The following TRAP1 variants were observed in gnomAD, a reference collection of about 807,000 sequenced individuals.
TRAP1 encodes TNF receptor associated protein 1, also known as heat shock protein 75 kDa, mitochondrial.
TRAP1 carries 102 observed loss-of-function variants against 89.1 expected under a neutral mutation model. That is an observed-to-expected ratio of 1.15 (90% CI 0.98 to 1.35). TRAP1 has a LOEUF of 1.35. TRAP1 is among the 40% of genes most tolerant of loss of function. TRAP1 has a pLI of 0.00. For synonymous variants in TRAP1, 508 were observed against 388.0 expected (o/e 1.31, Z -3.64); for missense variants, 1,256 against 945.3 (o/e 1.33, Z -4.31).
At chr16:3,658,334 G>T in intron 17 of TRAP1, 104 bp from the exon 18 acceptor site, 1 of 918,512 alleles carries the variant, frequency 1.1e-6, no homozygotes, top group Non-Finnish European at 1.7e-6. Context: ...GAGTGCAGAG[G>T]CACGATCTCG....
intron 2 of TRAP1, among the ~76,000 whole-genome samples, chr16:3,689,463 C>G (rs2051183518): frequency 6.6e-6 from 1 of 152,144 alleles, no homozygotes; most frequent in Non-Finnish European, 1.5e-5. Context: ...CCAGGATAGC[C>G]TCGATCTCCT....
At chr16:3,715,714 A>C (rs1434322374) in intron 1 of TRAP1, among the ~76,000 whole-genome samples, 1 of 152,146 alleles carries the variant, frequency 6.6e-6, no homozygotes, top group Non-Finnish European at 1.5e-5. Flanking sequence ...TTGGAGGGCA[A>C]GGCAGGCAGA....
chr16:3,681,202 C>A (rs933221353), intron 4 of TRAP1, among the ~76,000 whole-genome samples: 3 of 152,288 alleles, frequency 2.0e-5, no homozygotes, highest in Middle Eastern at 3.4e-3. Flanking sequence ...GGGACAAAGG[C>A]CCTCAGAAAC....
intron 4 of TRAP1, among the ~76,000 whole-genome samples, chr16:3,683,853 C>T (rs374783580): frequency 6.6e-6 from 1 of 151,772 alleles, no homozygotes; most frequent in African/African-American, 2.4e-5. Flanking sequence ...CCAGGCGACC[C>T]GCACAATGTG....
At chr16:3,709,864 G>T (rs1384019011) in intron 1 of TRAP1, among the ~76,000 whole-genome samples, 1 of 152,142 alleles carries the variant, frequency 6.6e-6, no homozygotes, top group African/African-American at 2.4e-5. Context: ...TGGTCAGGCT[G>T]GTCTCAAACT....
At chr16:3,679,082 A>G (rs912776280) in intron 5 of TRAP1, among the ~76,000 whole-genome samples, 1 of 152,082 alleles carries the variant, frequency 6.6e-6, no homozygotes, top group African/African-American at 2.4e-5. Context: ...CAGGAGGCTG[A>G]GGCTGGAGGA....
At position 3,664,273 on chromosome 16, in the gene TRAP1, CCT is replaced by C; in HGVS notation, c.1568_1569del (p.Glu523GlyfsTer6). ...YYEAMKKKDTEVLFCFEQFDE... is the reference protein window; with the variant it reads ...YYEAMKKKDTXVLFCFEQFDE... ...GCCCGCCCCACCCACCGCTCACCCA[CCT>C]CTGTGTCTTTCTTCTTCATGGCCTC... On this transcript the variant is annotated frameshift_variant and splice_region_variant, in exon 13 of 18. Transcript: ENST00000246957. LOFTEE classifies it high-confidence loss of function. The C allele has an allele frequency of 6.3e-7, 1 of 1,587,698 alleles. No homozygotes were observed. Among genetic ancestry groups the C allele is most frequent in the Non-Finnish European group, 8.6e-7 (1 of 1,168,436 alleles).
intron 12 of TRAP1, chr16:3,665,039 G>C (rs2050797510): frequency 6.5e-6 from 1 of 154,074 alleles, no homozygotes. Context: ...CAAGGAGCTG[G>C]ACACCCAACC....
chr16:3,686,731 G>A (rs2051143560), intron 3 of TRAP1, among the ~76,000 whole-genome samples: 1 of 152,186 alleles, frequency 6.6e-6, no homozygotes, highest in African/African-American at 2.4e-5. Context: ...GGCACTTTGG[G>A]AGGCTGAAGC....
At chr16:3,672,673 A>T in intron 10 of TRAP1, 27 bp downstream of exon 10, 1 of 1,596,006 alleles carries the variant, frequency 6.3e-7, no homozygotes, top group Non-Finnish European at 8.5e-7. Flanking sequence ...CCACGGGGGC[A>T]CTGCTCACGG....
At position 3,675,370 on chromosome 16, in the gene TRAP1, A is replaced by G. The variant is rs1321204952; in HGVS notation, c.842T>C (p.Val281Ala). Residue 281 changes from valine to alanine, a missense_variant, in exon 8 of 18, where the codon GTC (valine) becomes GCC (alanine). By Grantham distance (64) the Val-to-Ala change is moderately conservative. Coordinates refer to ENST00000246957, the MANE Select transcript of TRAP1 (RefSeq NM_016292.3). ...RDVVTKYSNF[V>A]SFPLYLNGRR... Reference sequence around the variant, plus strand: ...TCCATTCAAGTACAAGGGGAAGCTGACGAAGTTGCTGTACTTCGTTACCAC... The same window carrying G: ...TCCATTCAAGTACAAGGGGAAGCTGGCGAAGTTGCTGTACTTCGTTACCAC... 6.2e-7 allele frequency: 1 copy of G among 1,614,118 alleles called. No individual in the cohort carries two copies. Among genetic ancestry groups the G allele is most frequent in the South Asian group, 1.1e-5 (1 of 91,078 alleles).
intron 7 of TRAP1, 32 bp from the exon 8 acceptor site, chr16:3,675,429 T>A (rs1329483004): frequency 1.2e-6 from 2 of 1,609,630 alleles, no homozygotes; most frequent in Admixed American, 3.3e-5. Context: ...CCACACTGCA[T>A]CTACAATGCT....
rs114539840 is a variant in TRAP1 at position 3,696,724 on chromosome 16, A to G, written c.89-5739T>C. Among the ~76,000 whole-genome samples the G allele has an allele frequency of 3.9e-3, 573 of 145,710 alleles. 4 individuals are homozygous for G. The highest frequency in any genetic ancestry group is 0.014 in the African/African-American group (548 of 39,242). The stretch of plus-strand genomic sequence containing the variant: ...GGCCGTGTATTACCACTCCTAGCTA[A>G]TTTTTTTTTTCTTTTTTTTTTTGAC... On this transcript the variant is annotated intron_variant, in intron 1 of 17. Transcript: ENST00000246957.
intron 4 of TRAP1, among the ~76,000 whole-genome samples, chr16:3,682,386 A>C (rs1315744219): frequency 7.7e-6 from 1 of 129,690 alleles, no homozygotes; most frequent in Non-Finnish European, 1.7e-5. Flanking sequence ...CCCTGCCTCT[A>C]CAAAAAAAAA....
chr16:3,679,797 A>C lies in TRAP1; in HGVS notation c.472-7T>G, dbSNP rs2051051097. On this transcript the variant is annotated splice_polypyrimidine_tract_variant and splice_region_variant and intron_variant, in intron 4 of 17. Transcript: ENST00000246957. Reference sequence around the variant, plus strand: ...TCATCCCGATACCAGTATCCTGAGGAGAGAGACGCACTAAGTGCCAAGCCC... The same window carrying C: ...TCATCCCGATACCAGTATCCTGAGGCGAGAGACGCACTAAGTGCCAAGCCC... The C allele has an allele frequency of 1.2e-6, 2 of 1,613,926 alleles. No individual in the cohort carries two copies. Among genetic ancestry groups the C allele is most frequent in the South Asian group, 2.2e-5 (2 of 91,088 alleles).
intron 1 of TRAP1, among the ~76,000 whole-genome samples, chr16:3,704,800 G>C (rs774904887): frequency 8.5e-5 from 13 of 152,048 alleles, no homozygotes; most frequent in Non-Finnish European, 1.3e-4. Flanking sequence ...GAACACTTGA[G>C]GCCAGGAGTT....
At chr16:3,707,359 G>C (rs1171781340) in intron 1 of TRAP1, among the ~76,000 whole-genome samples, 2 of 151,202 alleles carry the variant, frequency 1.3e-5, no homozygotes, top group East Asian at 2.0e-4. Context: ...CTAATGTTTT[G>C]TATTTTTAGT....
intron 1 of TRAP1, among the ~76,000 whole-genome samples, chr16:3,713,276 G>T (rs2051556110): frequency 6.6e-6 from 1 of 152,174 alleles, no homozygotes; most frequent in Non-Finnish European, 1.5e-5. Flanking sequence ...GCAGAGGGAG[G>T]AGGCAAAACC....
intron 8 of TRAP1, chr16:3,674,734 G>T: frequency 1.8e-6 from 1 of 553,398 alleles, no homozygotes; most frequent in Non-Finnish European, 3.2e-6. Context: ...AGGACCAGCC[G>T]GGACCTGAGG....
Sources: allele counts gnomAD v4.1 joint callset (sites outside exome capture counted in the v4.1 genomes callset), GRCh38; gene constraint gnomAD v4.1.1; transcripts MANE v1.5; gene names NCBI Gene and HGNC (gene_info 2026-07-23, HGNC 2026-07-21).